Variants in ENTREP1 observed in about 807,000 individuals in gnomAD.
ENTREP1 encodes the protein Friedreich ataxia region gene X123.
At chr9:69,329,441 A>G in the ENTREP1 span, 2 of 984,332 alleles carry the variant, frequency 2.0e-6, no homozygotes, top group Non-Finnish European at 2.4e-6. Flanking sequence ...ACTTGTTTGA[A>G]CTTTGAAGGT....
chr9:69,338,638 C>T, the ENTREP1 span, among the ~76,000 whole-genome samples: 2 of 152,196 alleles, frequency 1.3e-5, no homozygotes, highest in African/African-American at 2.4e-5. Context: ...TAAGTATATG[C>T]ACTTTGTCAC....
At chr9:69,384,536 G>T in the ENTREP1 span, among the ~76,000 whole-genome samples, 1 of 152,172 alleles carries the variant, frequency 6.6e-6, no homozygotes, top group African/African-American at 2.4e-5. Context: ...GTGATTTGTG[G>T]TAAGATTGTG....
chr9:69,327,047 C>T, the ENTREP1 span, among the ~76,000 whole-genome samples: 3 of 151,804 alleles, frequency 2.0e-5, no homozygotes, highest in Non-Finnish European at 1.5e-5. Flanking sequence ...CTAATTGAAC[C>T]CAAAGTAATT....
chr9:69,387,763 A>T, the ENTREP1 span: 1 of 506,854 alleles, frequency 2.0e-6, no homozygotes, highest in Non-Finnish European at 3.2e-6. Context: ...TTAATTGACT[A>T]CTTCATCCTC....
chr9:69,342,710 G>A, the ENTREP1 span, among the ~76,000 whole-genome samples: 133,413 of 152,348 alleles, frequency 0.88, 58,715 homozygotes, highest in African/African-American at 0.96. Flanking sequence ...TTAATCATTC[G>A]TTGATAAAAT....
At chr9:69,335,213 T>C in the ENTREP1 span, among the ~76,000 whole-genome samples, 4 of 152,204 alleles carry the variant, frequency 2.6e-5, no homozygotes, top group Non-Finnish European at 5.9e-5. Flanking sequence ...TGCTGGGAAC[T>C]AGGACTTTAG....
the ENTREP1 span, among the ~76,000 whole-genome samples, chr9:69,367,581 A>T: frequency 6.9e-6 from 1 of 144,694 alleles, no homozygotes; most frequent in African/African-American, 2.5e-5. Context: ...TCCTTGGTTA[A>T]ATTTATTCCT....
the ENTREP1 span, among the ~76,000 whole-genome samples, chr9:69,334,416 G>GGAGAGA: frequency 2.0e-5 from 3 of 152,184 alleles, no homozygotes; most frequent in African/African-American, 7.2e-5. Flanking sequence ...GCTGCAGAAT[G>GGAGAGA]ATTACTCTCA....
chr9:69,352,855 G>A, the ENTREP1 span, among the ~76,000 whole-genome samples: 12 of 152,180 alleles, frequency 7.9e-5, no homozygotes, highest in Non-Finnish European at 1.5e-5. Flanking sequence ...AGAAGACAAG[G>A]CTGGATGTGG....
At chr9:69,358,907 T>C in the ENTREP1 span, among the ~76,000 whole-genome samples, 2 of 143,372 alleles carry the variant, frequency 1.4e-5, no homozygotes, top group Admixed American at 7.0e-5. Context: ...TCTTTCTTTT[T>C]TTTTTTTTTT....
chr9:69,324,595 C>A, the ENTREP1 span: 1 of 985,394 alleles, frequency 1.0e-6, no homozygotes, highest in South Asian at 4.7e-5. Context: ...CCGCTCCTAC[C>A]GAGATGCCGG....
At chr9:69,369,971 A>C in the ENTREP1 span, among the ~76,000 whole-genome samples, 124,283 of 152,078 alleles carry the variant, frequency 0.82, 50,807 homozygotes, top group South Asian at 0.89. Context: ...TCAATATATG[A>C]GTGAAAATAT....
the ENTREP1 span, among the ~76,000 whole-genome samples, chr9:69,374,415 A>G: frequency 6.6e-6 from 1 of 152,086 alleles, no homozygotes; most frequent in Admixed American, 6.6e-5. Flanking sequence ...AGTTTTCCAA[A>G]GTGGTTGGGG....
the ENTREP1 span, among the ~76,000 whole-genome samples, chr9:69,343,466 TCTCA>T: frequency 6.6e-6 from 1 of 152,098 alleles, no homozygotes; most frequent in Non-Finnish European, 1.5e-5. Flanking sequence ...TGAGACAGGG[TCTCA>T]CTCTGTCATC....
At chr9:69,352,127 C>CT in the ENTREP1 span, among the ~76,000 whole-genome samples, 20 of 151,236 alleles carry the variant, frequency 1.3e-4, no homozygotes, top group Non-Finnish European at 2.5e-4. Context: ...AGATTTTTTT[C>CT]TTTTTTTGAG....
chr9:69,376,202 AT>A, the ENTREP1 span, among the ~76,000 whole-genome samples: 1 of 152,214 alleles, frequency 6.6e-6, no homozygotes, highest in African/African-American at 2.4e-5. Context: ...ACACACACAT[AT>A]ACGGTGTAGC....
chr9:69,375,839 G>A, the ENTREP1 span: 1 of 1,614,014 alleles, frequency 6.2e-7, no homozygotes, highest in South Asian at 1.1e-5. Context: ...GTTCAGCCCT[G>A]TAGTGCTGTT....
At chr9:69,363,165 C>G in the ENTREP1 span, among the ~76,000 whole-genome samples, 1 of 152,142 alleles carries the variant, frequency 6.6e-6, no homozygotes, top group Non-Finnish European at 1.5e-5. Context: ...AAGCCCTCTA[C>G]TTTTTGGCGC....
the ENTREP1 span, among the ~76,000 whole-genome samples, chr9:69,357,817 C>T: frequency 3.9e-5 from 6 of 152,062 alleles, no homozygotes; most frequent in African/African-American, 9.7e-5. Context: ...AATTTTAGTT[C>T]GGTGCCTTGT....
Sources: allele counts gnomAD v4.1 joint callset (sites outside exome capture counted in the v4.1 genomes callset), GRCh38; gene constraint gnomAD v4.1.1; transcripts MANE v1.5; gene names NCBI Gene and HGNC (gene_info 2026-07-23, HGNC 2026-07-21).